Variants in CSMD1 observed in about 807,000 individuals in gnomAD.
The protein encoded by CSMD1 is CUB and sushi domain-containing protein 1.
A neutral mutation model predicts 417.5 loss-of-function variants in CSMD1; 213 were observed. The ratio of observed to expected loss-of-function variants is 0.51; its 90% CI spans 0.46 to 0.57. CSMD1 has a LOEUF of 0.57. Ranked by LOEUF, CSMD1 falls within the 20% of genes least tolerant of loss-of-function variation. CSMD1 has a pLI of 0.00. For synonymous variants in CSMD1, 2,862 were observed against 1,736.8 expected (o/e 1.65, Z -16.11); for missense variants, 6,923 against 4,529.7 (o/e 1.53, Z -15.17).
At chr8:4,797,593 G>T (rs138115031) in intron 1 of CSMD1, among the ~76,000 whole-genome samples, 1 of 152,136 alleles carries the variant, frequency 6.6e-6, no homozygotes, top group Non-Finnish European at 1.5e-5. Context: ...TTATTCCAGG[G>T]TATGGGGGGA....
At chr8:4,083,140 T>C (rs1014342078) in intron 3 of CSMD1, among the ~76,000 whole-genome samples, 9 of 152,262 alleles carry the variant, frequency 5.9e-5, no homozygotes, top group Admixed American at 2.6e-4. Context: ...AGTAACGGGA[T>C]GGCTGGGTCA....
intron 3 of CSMD1, among the ~76,000 whole-genome samples, chr8:4,093,769 T>G (rs1800843027): frequency 6.6e-6 from 1 of 152,058 alleles, no homozygotes; most frequent in Admixed American, 6.6e-5. Flanking sequence ...AAGACCAGCT[T>G]GGCCAACATG....
intron 6 of CSMD1, among the ~76,000 whole-genome samples, chr8:3,740,064 A>G (rs17063149): frequency 0.084 from 12,837 of 152,250 alleles, 560 homozygotes; most frequent in Middle Eastern, 0.11. Flanking sequence ...TGTTTTTCAT[A>G]GAGTAAAAGA....
intron 3 of CSMD1, among the ~76,000 whole-genome samples, chr8:4,397,523 C>CTTTTTTTT (rs57745028): frequency 5.0e-5 from 3 of 59,934 alleles, no homozygotes; most frequent in African/African-American, 1.2e-4. Flanking sequence ...GCCTGAGACT[C>CTTTTTTTT]TTTTTTTTTT....
chr8:3,424,705 G>A (rs1334861966), intron 12 of CSMD1, among the ~76,000 whole-genome samples: 1 of 152,146 alleles, frequency 6.6e-6, no homozygotes, highest in African/African-American at 2.4e-5. Context: ...ATTTCTATCA[G>A]GAAGGAATTG....
intron 1 of CSMD1, among the ~76,000 whole-genome samples, chr8:4,792,981 GC>G (rs1797772469): frequency 3.8e-5 from 2 of 52,706 alleles, no homozygotes; most frequent in African/African-American, 8.3e-5. Flanking sequence ...ATATGTGTAT[GC>G]AATATATATA....
At chr8:4,193,497 G>C (rs1009710661) in intron 3 of CSMD1, among the ~76,000 whole-genome samples, 35 of 151,896 alleles carry the variant, frequency 2.3e-4, no homozygotes, top group African/African-American at 8.0e-4. Flanking sequence ...AGGTGACGAT[G>C]GCTTCAGTCT....
chr8:3,807,933 G>C (rs963429319), intron 5 of CSMD1, among the ~76,000 whole-genome samples: 1 of 152,132 alleles, frequency 6.6e-6, no homozygotes, highest in Non-Finnish European at 1.5e-5. Context: ...TGTAATTTTT[G>C]AGGCTAGGTG....
chr8:3,181,095 A>C lies in CSMD1; in HGVS notation c.5725+15T>G. The C allele has an allele frequency of 1.3e-6, 2 of 1,555,442 alleles. No individual in the cohort carries two copies. Among genetic ancestry groups the C allele is most frequent in the African/African-American group, 2.7e-5 (2 of 73,868 alleles). On this transcript the variant is annotated intron_variant, in intron 37 of 69. Coordinates refer to ENST00000635120, the MANE Select transcript of CSMD1 (RefSeq NM_033225.6). ...TATAACAGTGGAAGCTGTATACAGA[A>C]AGAGTTGACCTTACTTTTGTATTCC...
intron 5 of CSMD1, among the ~76,000 whole-genome samples, chr8:3,764,399 C>G (rs141256637): frequency 2.6e-5 from 4 of 152,122 alleles, no homozygotes; most frequent in African/African-American, 9.7e-5. Flanking sequence ...CAAACATAAT[C>G]AAACATATAT....
intron 23 of CSMD1, among the ~76,000 whole-genome samples, chr8:3,310,889 A>C (rs1399235131): frequency 6.6e-6 from 1 of 151,766 alleles, no homozygotes; most frequent in Non-Finnish European, 1.5e-5. Context: ...TGGAGTTTTA[A>C]AAAAAGTTTT....
At chr8:3,665,402 A>G (rs373078371) in intron 7 of CSMD1, among the ~76,000 whole-genome samples, 1 of 152,024 alleles carries the variant, frequency 6.6e-6, no homozygotes, top group African/African-American at 2.4e-5. Context: ...GGTGGCATGC[A>G]CCAGTAATAC....
intron 2 of CSMD1, among the ~76,000 whole-genome samples, chr8:4,635,186 C>A (rs2616999): frequency 6.6e-6 from 1 of 151,920 alleles, no homozygotes; most frequent in East Asian, 1.9e-4. Context: ...CTGTACTAAA[C>A]ATAACCCAGC....
At chr8:4,652,640 G>A (rs567248108) in intron 1 of CSMD1, among the ~76,000 whole-genome samples, 1 of 151,818 alleles carries the variant, frequency 6.6e-6, no homozygotes, top group Non-Finnish European at 1.5e-5. Flanking sequence ...GACAGAGAGA[G>A]ACTCTGTCTC....
intron 3 of CSMD1, among the ~76,000 whole-genome samples, chr8:4,182,872 G>C (rs979238459): frequency 1.3e-5 from 2 of 152,128 alleles, no homozygotes; most frequent in Admixed American, 1.3e-4. Flanking sequence ...ATCAAACTCA[G>C]AGTCTAGAAC....
intron 2 of CSMD1, among the ~76,000 whole-genome samples, chr8:4,428,449 T>C (rs1250338878): frequency 1.3e-5 from 2 of 152,208 alleles, no homozygotes; most frequent in African/African-American, 4.8e-5. Context: ...GGAAATGGTT[T>C]TTCACATTAA....
intron 7 of CSMD1, among the ~76,000 whole-genome samples, chr8:3,618,156 C>G (rs1036396409): frequency 6.6e-6 from 1 of 151,944 alleles, no homozygotes; most frequent in African/African-American, 2.4e-5. Context: ...CTTGTGCCAC[C>G]GTGCCCAGAT....
At chr8:3,618,829 G>A (rs1452839997) in intron 7 of CSMD1, among the ~76,000 whole-genome samples, 1 of 152,198 alleles carries the variant, frequency 6.6e-6, no homozygotes, top group Non-Finnish European at 1.5e-5. Context: ...GCGTGGCACA[G>A]TGCAGTTGAG....
chr8:4,973,321 C>G (rs1053156439), intron 1 of CSMD1, among the ~76,000 whole-genome samples: 1 of 152,022 alleles, frequency 6.6e-6, no homozygotes, highest in South Asian at 2.1e-4. Context: ...GACTTATAGG[C>G]GAAGTCAATA....
Sources: allele counts gnomAD v4.1 joint callset (sites outside exome capture counted in the v4.1 genomes callset), GRCh38; gene constraint gnomAD v4.1.1; transcripts MANE v1.5; gene names NCBI Gene and HGNC (gene_info 2026-07-23, HGNC 2026-07-21).